The following MEF2A variants were observed in gnomAD, a reference collection of about 807,000 sequenced individuals.
MEF2A encodes myocyte-specific enhancer factor 2A.
In MEF2A, 28 loss-of-function variants were observed where a neutral mutation model predicts 55.8. That is an observed-to-expected ratio of 0.50 (90% confidence interval 0.37 to 0.69). The LOEUF (loss-of-function observed/expected upper bound fraction) is 0.69. Among genes scored for constraint, MEF2A ranks in the 30% least tolerant of loss-of-function variants. The probability of loss-of-function intolerance (pLI) is 0.00; values close to 1 mark genes in which losing one functional copy is unlikely to be tolerated. For synonymous variants in MEF2A, 239 were observed against 227.1 expected, an observed-to-expected ratio of 1.05 and a Z score of -0.47; for missense variants, 528 against 626.2, an observed-to-expected ratio of 0.84 and a Z score of 1.67.
chr15:99,621,532 A>G (rs1054076411), intron 2 of MEF2A, among the ~76,000 whole-genome samples: 2 of 152,116 alleles, frequency 1.3e-5, no homozygotes, highest in African/African-American at 4.8e-5. Flanking sequence ...TTGCAACAGT[A>G]GTAAGTGTTT....
intron 4 of MEF2A, among the ~76,000 whole-genome samples, chr15:99,657,804 C>A (rs193292247): frequency 6.6e-6 from 1 of 152,124 alleles, no homozygotes; most frequent in East Asian, 1.9e-4. Flanking sequence ...TTATTTAGTA[C>A]TGAGCAGATA....
chr15:99,605,862 C>T (rs1461241355), intron 2 of MEF2A, among the ~76,000 whole-genome samples: 3 of 152,040 alleles, frequency 2.0e-5, no homozygotes, highest in African/African-American at 4.8e-5. Flanking sequence ...CGCAGCCACT[C>T]AGCAGGCTTA....
At chr15:99,664,945 TAAAC>T (rs1271941220) in intron 4 of MEF2A, among the ~76,000 whole-genome samples, 2 of 152,114 alleles carry the variant, frequency 1.3e-5, no homozygotes, top group African/African-American at 4.8e-5. Context: ...AGTAAGATCA[TAAAC>T]AGAGGAGAAC....
intron 2 of MEF2A, among the ~76,000 whole-genome samples, chr15:99,628,838 A>G (rs1388302728): frequency 6.6e-6 from 1 of 152,168 alleles, no homozygotes; most frequent in Non-Finnish European, 1.5e-5. Flanking sequence ...TCTTTTGTGC[A>G]TATCCAAGCT....
At chr15:99,650,408 A>G (rs889635748) in intron 4 of MEF2A, among the ~76,000 whole-genome samples, 1 of 152,242 alleles carries the variant, frequency 6.6e-6, no homozygotes, top group African/African-American at 2.4e-5. Flanking sequence ...TCAGTAATGA[A>G]CAGAAAACTA....
intron 4 of MEF2A, among the ~76,000 whole-genome samples, chr15:99,663,136 A>C (rs942792429): frequency 1.3e-5 from 2 of 152,076 alleles, no homozygotes; most frequent in African/African-American, 4.8e-5. Context: ...GGGCTCTAGC[A>C]GATACTCCAG....
intron 2 of MEF2A, among the ~76,000 whole-genome samples, chr15:99,608,231 A>T (rs936208668): frequency 2.6e-5 from 4 of 152,238 alleles, no homozygotes; most frequent in East Asian, 1.9e-4. Flanking sequence ...TTACAAAAAA[A>T]AATTACTTAC....
rs1447466031 is a variant in MEF2A at position 99,690,230 on chromosome 15, T to C, written c.671-11T>C. ...TCTTCTCACTTTATTGAATGATATT[T>C]TTCCCCCCAGGGAATGGATTTGTAA... On this transcript the variant is annotated splice_polypyrimidine_tract_variant and intron_variant, in intron 7 of 11. Transcript: ENST00000557942. The C allele has an allele frequency of 1.2e-6, 2 of 1,611,600 alleles. No individual in the cohort carries two copies. Among genetic ancestry groups the C allele is most frequent in the Non-Finnish European group, 8.5e-7 (1 of 1,178,640 alleles).
rs369336068 is a variant in MEF2A at position 99,645,785 on chromosome 15, C to T, written c.258+21C>T. On this transcript the variant is annotated intron_variant, in intron 4 of 11. Transcript: ENST00000557942. The stretch of plus-strand genomic sequence containing the variant: ...TTGAGGTAACACATATCTAGTAATA[C>T]GTGAATTGCAAGTAATACTGAAATA... 7.8e-5 allele frequency: 117 copies of T among 1,502,360 alleles called. 1 individual carries two copies. The African/African-American group carries it at 1.2e-3, about 15-fold the overall frequency. 93.1% of individuals were successfully genotyped at this position (1,502,360 alleles called of 1,614,324 possible).
intron 1 of MEF2A, among the ~76,000 whole-genome samples, chr15:99,569,533 C>T (rs1961205327): frequency 6.6e-6 from 1 of 152,172 alleles, no homozygotes; most frequent in African/African-American, 2.4e-5. Flanking sequence ...GATCTTCAAC[C>T]ATAGTTTGTT....
chr15:99,708,449 A>T (rs895042928), intron 10 of MEF2A, among the ~76,000 whole-genome samples: 3 of 152,216 alleles, frequency 2.0e-5, no homozygotes, highest in Non-Finnish European at 4.4e-5. Context: ...TTTATTTTTT[A>T]AAAGTATAAA....
At chr15:99,692,210 TGTCATTGCAAG>T (rs2055614609) in intron 8 of MEF2A, among the ~76,000 whole-genome samples, 1 of 152,214 alleles carries the variant, frequency 6.6e-6, no homozygotes, top group South Asian at 2.1e-4. Flanking sequence ...AATTAGCCTG[TGTCATTGCAAG>T]GTAGAGATGT....
chr15:99,708,669 G>A (rs1317908566), intron 10 of MEF2A, among the ~76,000 whole-genome samples: 1 of 152,240 alleles, frequency 6.6e-6, no homozygotes, highest in African/African-American at 2.4e-5. Context: ...CAGGCACTGT[G>A]CCAGGCACTG....
At chr15:99,671,273 T>A (rs2050816254) in intron 4 of MEF2A, 50 bp from the exon 5 acceptor site, 1 of 1,571,880 alleles carries the variant, frequency 6.4e-7, no homozygotes, top group Non-Finnish European at 8.6e-7. Flanking sequence ...ACAGAAAAAC[T>A]CATGGCAAGT....
chr15:99,639,129 A>G (rs889365708), intron 3 of MEF2A, among the ~76,000 whole-genome samples: 4 of 152,172 alleles, frequency 2.6e-5, no homozygotes, highest in African/African-American at 4.8e-5. Flanking sequence ...AAGGTTTGCT[A>G]TATTCATTAT....
At position 99,666,451 on chromosome 15, in the gene MEF2A, AG is replaced by A. The variant is rs199951628; in HGVS notation, c.259-4871del. On this transcript the variant is annotated intron_variant, in intron 4 of 11. Transcript: ENST00000557942. ...GGGGCTTGTCAGGGAGTGGGGGGCT[AG>A]TCTAGGGATAGTGGTAGAAGTACGT... 8.7e-3 allele frequency among the ~76,000 whole-genome samples: 1,318 copies of A among 152,090 alleles called. 43 individuals carry two copies. Among genetic ancestry groups the A allele is most frequent in the Admixed American group, 0.06 (914 of 15,256 alleles).
At chr15:99,614,989 G>A (rs2039955106) in intron 2 of MEF2A, among the ~76,000 whole-genome samples, 1 of 152,196 alleles carries the variant, frequency 6.6e-6, no homozygotes, top group Non-Finnish European at 1.5e-5. Context: ...ACAGTGATAA[G>A]TGACATGATT....
intron 7 of MEF2A, among the ~76,000 whole-genome samples, chr15:99,684,355 C>A (rs2053815116): frequency 6.6e-6 from 1 of 152,200 alleles, no homozygotes; most frequent in Admixed American, 6.5e-5. Flanking sequence ...TTGCTTTTCA[C>A]CATATCCATG....
chr15:99,712,996 T>C lies in MEF2A; in HGVS notation c.*225T>C, dbSNP rs2058833050. 1.8e-6 allele frequency: 1 copy of C among 560,352 alleles called. No homozygotes were observed. The highest frequency in any genetic ancestry group is 3.1e-6 in the Non-Finnish European group (1 of 323,014). The allele number at this position is 560,352 out of a possible 1,614,324, so 34.7% of individuals were successfully genotyped here. A position where few individuals can be genotyped will look rare whatever the true frequency, so the allele number is the denominator to read the frequency against. Reference sequence around the variant, plus strand: ...CTCCTTGTAGGTCTGCAGATGTGTGTCCCATGGCAGACAAAGCACCCTGTA... The same window carrying C: ...CTCCTTGTAGGTCTGCAGATGTGTGCCCCATGGCAGACAAAGCACCCTGTA... On this transcript the variant is annotated 3_prime_UTR_variant, in exon 12 of 12. Transcript: ENST00000557942. The surrounding 1 kb of genome is among the most constrained non-coding windows in gnomAD (Gnocchi z 4.1).
Sources: allele counts gnomAD v4.1 joint callset (sites outside exome capture counted in the v4.1 genomes callset), GRCh38; gene constraint gnomAD v4.1.1; non-coding constraint Gnocchi (gnomAD v3.1); transcripts MANE v1.5; gene names NCBI Gene and HGNC (gene_info 2026-07-23, HGNC 2026-07-21).